Variants in DYNC1LI2 observed in about 807,000 individuals in gnomAD.
DYNC1LI2 encodes cytoplasmic dynein 1 light intermediate chain 2.
In DYNC1LI2, 19 loss-of-function variants were observed where a neutral mutation model predicts 57.8. The ratio of observed to expected loss-of-function variants is 0.33; its 90% CI spans 0.23 to 0.48. DYNC1LI2 has a LOEUF of 0.48. Among genes scored for constraint, DYNC1LI2 ranks in the 20% least tolerant of loss-of-function variants. The pLI is 0.99. For synonymous variants in DYNC1LI2, 256 were observed against 233.4 expected (o/e 1.10, Z -0.88); for missense variants, 470 against 604.2 (o/e 0.78, Z 2.33).
At chr16:66,730,806 T>TG (rs1295230360) in intron 7 of DYNC1LI2, 3 of 152,400 alleles carry the variant, frequency 2.0e-5, no homozygotes, top group African/African-American at 7.2e-5. Context: ...CCTACACCAG[T>TG]GCTGGCCAGC....
intron 7 of DYNC1LI2, 144 bp downstream of exon 7, chr16:66,732,195 C>T: frequency 1.9e-6 from 2 of 1,074,800 alleles, no homozygotes; most frequent in Non-Finnish European, 2.6e-6. Flanking sequence ...CCTCATAATC[C>T]GGAAAGGAAC....
chr16:66,745,696 G>A (rs564661950), intron 3 of DYNC1LI2, among the ~76,000 whole-genome samples: 3 of 151,832 alleles, frequency 2.0e-5, no homozygotes, highest in African/African-American at 7.2e-5. Context: ...TTGAGCTCAA[G>A]AGTTCAGGAC....
In DYNC1LI2 at chr16:66,722,397, G is replaced by A. The variant is rs1361116940; in HGVS notation, c.*1325C>T. ...ATGGTAGTGTTTGCATTTAAATGCT[G>A]TCATATATAAAATTAAAAGTGCAAT... On this transcript the variant is annotated 3_prime_UTR_variant, in exon 13 of 13. Transcript: ENST00000258198. 6.6e-6 allele frequency: 1 copy of A among 152,536 alleles called. No individual in the cohort carries two copies. Among genetic ancestry groups the A allele is most frequent in the Non-Finnish European group, 1.5e-5 (1 of 68,036 alleles). The allele number at this position is 152,536 out of a possible 1,614,324, so 9.4% of individuals were successfully genotyped here. A position where few individuals can be genotyped will look rare whatever the true frequency, so the allele number is the denominator to read the frequency against.
rs2018049852 is a variant in DYNC1LI2 at position 66,751,389 on chromosome 16, G to A, written c.108-43C>T. 9 of 1,600,598 alleles carry A rather than the reference G, an allele frequency of 5.6e-6. No homozygotes were observed. The highest frequency in any genetic ancestry group is 7.7e-6 in the Non-Finnish European group (9 of 1,174,746). ...AGAGTGGTCAGCCCCGGGCCGGGCTGGGATGGCCCGGCTCGCGTCGGCCCC... is the reference window on the plus strand; with the variant it reads ...AGAGTGGTCAGCCCCGGGCCGGGCTAGGATGGCCCGGCTCGCGTCGGCCCC... On this transcript the variant is annotated intron_variant, in intron 1 of 12. Transcript: ENST00000258198. The surrounding 1 kb of genome is among the most constrained non-coding windows in gnomAD (Gnocchi z 5.2).
At chr16:66,740,005 C>T (rs1462373571) in intron 4 of DYNC1LI2, among the ~76,000 whole-genome samples, 2 of 152,208 alleles carry the variant, frequency 1.3e-5, no homozygotes, top group Non-Finnish European at 2.9e-5. Context: ...GCTTCTCTCT[C>T]AACTTTTCCC....
In DYNC1LI2 at chr16:66,722,536, A is replaced by G. The variant is rs957961811; in HGVS notation, c.*1186T>C. ...TTATTTCCATAAGAAAAAAAATGCT[A>G]CATTTTATGAAAACACCTAACAAGA... is the stretch of plus-strand genomic sequence containing the variant. On this transcript the variant is annotated 3_prime_UTR_variant, in exon 13 of 13. Transcript: ENST00000258198. The G allele has an allele frequency of 1.3e-5, 2 of 152,648 alleles. No homozygotes were observed. Among genetic ancestry groups the G allele is most frequent in the African/African-American group, 4.8e-5 (2 of 41,458 alleles). 9.5% of individuals were successfully genotyped at this position (152,648 alleles called of 1,614,324 possible). A position where few individuals can be genotyped will look rare whatever the true frequency, so the allele number is the denominator to read the frequency against.
chr16:66,748,707 C>T (rs1234162002), intron 3 of DYNC1LI2, among the ~76,000 whole-genome samples: 1 of 152,132 alleles, frequency 6.6e-6, no homozygotes. Context: ...GCGATTATGA[C>T]AGGAGTCACC....
chr16:66,734,189 C>T (rs1326358023), intron 6 of DYNC1LI2, 29 bp downstream of exon 6: 6 of 1,609,876 alleles, frequency 3.7e-6, no homozygotes, highest in African/African-American at 1.3e-5. Context: ...AGCCTGTGAC[C>T]CAGGCCCCAC....
Position 66,751,481 on chromosome 16 carries a change from T to C in DYNC1LI2, c.107+4A>G, listed in dbSNP as rs2018053385. 6 of 1,587,208 alleles carry C rather than the reference T, an allele frequency of 3.8e-6. No individual in the cohort carries two copies. In the East Asian group the frequency reaches 1.4e-4, roughly 38 times the overall value. ...CGGCCCGGCCCGACCGCCCGCGGCCTCACCATAGGCTCTGGCCTTCCTCCT... is the reference window on the plus strand; with the variant it reads ...CGGCCCGGCCCGACCGCCCGCGGCCCCACCATAGGCTCTGGCCTTCCTCCT... On this transcript the variant is annotated splice_donor_region_variant and intron_variant, in intron 1 of 12. Coordinates refer to ENST00000258198, the MANE Select transcript of DYNC1LI2 (RefSeq NM_006141.3). The surrounding 1 kb of genome is among the most constrained non-coding windows in gnomAD (Gnocchi z 5.2).
chr16:66,729,869 C>T (rs1003852029), intron 8 of DYNC1LI2, among the ~76,000 whole-genome samples: 1 of 152,126 alleles, frequency 6.6e-6, no homozygotes, highest in African/African-American at 2.4e-5. Context: ...GCAATCTCTG[C>T]CTCCCAGGTT....
chr16:66,727,922 G>A (rs2017565654), intron 10 of DYNC1LI2, 117 bp from the exon 11 acceptor site: 6 of 984,704 alleles, frequency 6.1e-6, no homozygotes, highest in Middle Eastern at 5.1e-4. Flanking sequence ...TACAGGACTG[G>A]GAGTATGCTC....
Position 66,723,517 on chromosome 16 carries a change from T to C in DYNC1LI2, c.*205A>G. On this transcript the variant is annotated 3_prime_UTR_variant, in exon 13 of 13. Coordinates refer to ENST00000258198, the MANE Select transcript of DYNC1LI2 (RefSeq NM_006141.3). Reference sequence around the variant, plus strand: ...CACATGCCCCAGAGTCCAAGGGTTATCCTTAACAAAGGGTCTGACATGTAA... The same window carrying C: ...CACATGCCCCAGAGTCCAAGGGTTACCCTTAACAAAGGGTCTGACATGTAA... 3.1e-6 allele frequency: 2 copies of C among 652,302 alleles called. No individual in the cohort carries two copies. Among genetic ancestry groups the C allele is most frequent in the Non-Finnish European group, 5.6e-6 (2 of 355,922 alleles). The allele number at this position is 652,302 out of a possible 1,614,324, so 40.4% of individuals were successfully genotyped here.
chr16:66,730,182 T>A lies in DYNC1LI2; in HGVS notation c.971A>T (p.His324Leu). 1.2e-6 allele frequency: 2 copies of A among 1,614,108 alleles called. No homozygotes were observed. Among genetic ancestry groups the A allele is most frequent in the Non-Finnish European group, 1.7e-6 (2 of 1,180,018 alleles). ...WDNEKKIAIL[H>L]ENFTTVKPED... is the part of the protein sequence containing the mutation. ...CGGCTTCACGGTTGTAAAATTTTCA[T>A]GTAAAATAGCTATTTTCTTTTCATT... The change falls in exon 8 of 13, where the codon CAT becomes CTT. Residue 324 changes from histidine to leucine, a missense_variant. Physicochemically the swap from His to Leu is moderately conservative, Grantham distance 99. Coordinates refer to ENST00000258198, the MANE Select transcript of DYNC1LI2 (RefSeq NM_006141.3).
At chr16:66,748,623 T>A (rs183161252) in intron 3 of DYNC1LI2, among the ~76,000 whole-genome samples, 66 of 152,262 alleles carry the variant, frequency 4.3e-4, no homozygotes, top group African/African-American at 1.5e-3. Context: ...CAGGCTTGAG[T>A]GTATAACACA....
chr16:66,738,535 C>A (rs773701496), intron 4 of DYNC1LI2, among the ~76,000 whole-genome samples: 1 of 151,942 alleles, frequency 6.6e-6, no homozygotes, highest in Non-Finnish European at 1.5e-5. Context: ...CAGGCGTGAG[C>A]CACAGCACCC....
At position 66,742,652 on chromosome 16, in the gene DYNC1LI2, G is replaced by A. The variant is rs763600217; in HGVS notation, c.315C>T (p.Asn105=). Reference sequence around the variant, plus strand: ...ACAAGTCTCCATCCAGAATCCACACGTTGCAGCGCGTGTGATCTGAGAAAA... The same window carrying A: ...ACAAGTCTCCATCCAGAATCCACACATTGCAGCGCGTGTGATCTGAGAAAA... ...DEDRDDHTRC[N]VWILDGDLYH... is the part of the protein sequence containing the mutation. The change falls in exon 4 of 13, where the codon AAC becomes AAT. Residue 105 remains asparagine, a synonymous_variant. Coordinates refer to ENST00000258198, the MANE Select transcript of DYNC1LI2 (RefSeq NM_006141.3). The A allele has an allele frequency of 2.2e-5, 35 of 1,614,046 alleles. 1 individual carries two copies. In the Admixed American group the frequency reaches 4.2e-4, roughly 19 times the overall value.
chr16:66,749,909 C>T (rs1263499665), intron 2 of DYNC1LI2, among the ~76,000 whole-genome samples: 1 of 152,198 alleles, frequency 6.6e-6, no homozygotes, highest in Non-Finnish European at 1.5e-5. Flanking sequence ...CTTCATCTCC[C>T]TCCACCCAAA....
chr16:66,742,506 C>G lies in DYNC1LI2; in HGVS notation c.461G>C (p.Ser154Thr). ...TVMESLQKWA[S>T]VLREHIDKMK... is the part of the protein sequence containing the mutation. Reference sequence around the variant, plus strand: ...TTTATCAATGTGCTCACGTAAAACACTAGCCCATTTCTGCAGAGATTCCAT... The same window carrying G: ...TTTATCAATGTGCTCACGTAAAACAGTAGCCCATTTCTGCAGAGATTCCAT... Residue 154 changes from serine (S) to threonine (T), a missense_variant, in exon 4 of 13, where the codon AGT (serine) becomes ACT (threonine). Physicochemically the swap from Ser to Thr is moderately conservative, Grantham distance 58. Coordinates refer to ENST00000258198, the MANE Select transcript of DYNC1LI2 (RefSeq NM_006141.3). 1 of 1,614,242 alleles carries G rather than the reference C, an allele frequency of 6.2e-7. No individual in the cohort carries two copies. Among genetic ancestry groups the G allele is most frequent in the South Asian group, 1.1e-5 (1 of 91,086 alleles).
chr16:66,728,358 C>A, intron 9 of DYNC1LI2, 116 bp from the exon 10 acceptor site: 1 of 1,228,982 alleles, frequency 8.1e-7, no homozygotes, highest in East Asian at 2.5e-5. Flanking sequence ...ACAACTAAGT[C>A]CTATGTTTTA....
Sources: gnomAD v4.1 joint callset for allele counts (sites outside exome capture counted in the v4.1 genomes callset) on GRCh38, gnomAD v4.1.1 for gene constraint, Gnocchi (gnomAD v3.1) non-coding constraint, MANE v1.5 for transcripts, NCBI Gene and HGNC (gene_info 2026-07-23, HGNC 2026-07-21) for gene names.